Variants in LATS2 observed in about 807,000 individuals in gnomAD.
The protein encoded by LATS2 is large tumor suppressor kinase 2.
LATS2 carries 24 observed loss-of-function variants against 76.0 expected under a neutral mutation model. The ratio of observed to expected loss-of-function variants is 0.32; its 90% CI spans 0.23 to 0.44. The LOEUF (loss-of-function observed/expected upper bound fraction) is 0.44, where lower values mean the gene tolerates loss of function less well. Among genes scored for constraint, LATS2 ranks in the 20% least tolerant of loss-of-function variants. The pLI is 1.00. For missense variants in LATS2, 1,286 were observed against 1,481.2 expected (o/e 0.87, Z 2.16); for synonymous variants, 692 against 635.4 (o/e 1.09, Z -1.34).
chr13:21,046,106 A>G lies in LATS2; in HGVS notation c.-80T>C, dbSNP rs1873068407. Reference sequence around the variant, plus strand: ...TTTAAAAAAAAAAACTGTCAATAGTATCAGTTTGTTGTAAACATACTTTCA... The same window carrying G: ...TTTAAAAAAAAAAACTGTCAATAGTGTCAGTTTGTTGTAAACATACTTTCA... On this transcript the variant is annotated 5_prime_UTR_variant, in exon 2 of 8. Transcript: ENST00000382592. The G allele has an allele frequency of 4.2e-6, 4 of 955,866 alleles. No homozygotes were observed. The allele number at this position is 955,866 out of a possible 1,614,324, so 59.2% of individuals were successfully genotyped here.
intron 2 of LATS2, among the ~76,000 whole-genome samples, chr13:21,002,224 A>C (rs1302745754): frequency 6.6e-6 from 1 of 152,018 alleles, no homozygotes; most frequent in South Asian, 2.1e-4. Flanking sequence ...AAAAGCCATT[A>C]TTTTTAAGTC....
At position 21,028,379 on chromosome 13, in the gene LATS2, G is replaced by A. The variant is rs571688039; in HGVS notation, c.342+17306C>T. Reference sequence around the variant, plus strand: ...AGTCTTTGCTATTGTGAATAGTGCCGCAATAAACATATGTGTGCATGTGTC... The same window carrying A: ...AGTCTTTGCTATTGTGAATAGTGCCACAATAAACATATGTGTGCATGTGTC... On this transcript the variant is annotated intron_variant, in intron 2 of 7. Transcript: ENST00000382592. Among the ~76,000 whole-genome samples, 378 of 152,092 alleles carry A rather than the reference G, an allele frequency of 2.5e-3. 1 individual carries two copies. The highest frequency in any genetic ancestry group is 8.3e-3 in the African/African-American group (344 of 41,486).
rs879166284 is a variant in LATS2 at position 20,974,786 on chromosome 13, C to G, written c.*84G>C. On this transcript the variant is annotated 3_prime_UTR_variant, in exon 8 of 8. Transcript: ENST00000382592. ...GACTAATTTAAAACAAAACAGCCCTCGGCTTCCCTATTGGCCTGTGAGGGC... is the reference window on the plus strand; with the variant it reads ...GACTAATTTAAAACAAAACAGCCCTGGGCTTCCCTATTGGCCTGTGAGGGC... The G allele has an allele frequency of 8.4e-6, 12 of 1,426,556 alleles. No homozygotes were observed. In the East Asian group the frequency reaches 2.3e-4, roughly 27 times the overall value. 88.4% of individuals were successfully genotyped at this position (1,426,556 alleles called of 1,614,324 possible).
rs1469211849 is a variant in LATS2 at position 21,007,559 on chromosome 13, A to AGTG, written c.343-16156_343-16155insCAC. On this transcript the variant is annotated intron_variant, in intron 2 of 7. Transcript: ENST00000382592. ...ATATATATATAGTATATATATATAT[A>AGTG]TATATATATATATATATATATATAT... 1.8e-4 allele frequency among the ~76,000 whole-genome samples: 3 copies of AGTG among 16,616 alleles called. No individual in the cohort carries two copies. In the African/African-American group the frequency reaches 2.4e-3, roughly 13 times the overall value. The allele number at this position is 16,616 out of a possible 152,430, so 10.9% of individuals were successfully genotyped here.
At position 20,991,088 on chromosome 13, in the gene LATS2, G is replaced by T. The variant is rs1051601433; in HGVS notation, c.475+184C>A. ...GTCCCACGGTCTACCACTTGGGGCT[G>T]CTCCCGCCAGGGCCTGACTCTGTCA... On this transcript the variant is annotated intron_variant, in intron 3 of 7. Coordinates refer to ENST00000382592, the MANE Select transcript of LATS2 (RefSeq NM_014572.3). This position sits in a 1 kb window ranked among gnomAD's most constrained non-coding sequence, Gnocchi z 4.9. 6.6e-6 allele frequency among the ~76,000 whole-genome samples: 1 copy of T among 152,250 alleles called. No homozygotes were observed. Among genetic ancestry groups the T allele is most frequent in the African/African-American group, 2.4e-5 (1 of 41,478 alleles).
At chr13:20,992,914 A>G (rs774584474) in intron 2 of LATS2, among the ~76,000 whole-genome samples, 2 of 151,992 alleles carry the variant, frequency 1.3e-5, no homozygotes, top group Non-Finnish European at 2.9e-5. Flanking sequence ...GTGTGCCTGT[A>G]GTTCCAGCTA....
At chr13:21,015,804 A>G (rs1400126178) in intron 2 of LATS2, among the ~76,000 whole-genome samples, 1 of 151,890 alleles carries the variant, frequency 6.6e-6, no homozygotes, top group African/African-American at 2.4e-5. Flanking sequence ...GGTTCAAGCG[A>G]TTCTCTCGTC....
chr13:21,010,417 T>A (rs1363464062), intron 2 of LATS2, among the ~76,000 whole-genome samples: 1 of 151,434 alleles, frequency 6.6e-6, no homozygotes, highest in East Asian at 1.9e-4. Context: ...AAGCCCCCAC[T>A]CTACAGGCCC....
At chr13:21,053,291 A>C (rs1200589337) in intron 1 of LATS2, among the ~76,000 whole-genome samples, 1 of 147,550 alleles carries the variant, frequency 6.8e-6, no homozygotes, top group Non-Finnish European at 1.5e-5. Context: ...GCTCACTCCT[A>C]CTCCTAAAAC....
At chr13:20,989,768 C>T (rs529759065) in intron 3 of LATS2, among the ~76,000 whole-genome samples, 17 of 152,364 alleles carry the variant, frequency 1.1e-4, no homozygotes, top group African/African-American at 3.8e-4. Flanking sequence ...CACTGTGCAG[C>T]AGCTGCTCCA....
In LATS2 at chr13:20,988,927, C is replaced by T. The variant is rs975869810; in HGVS notation, c.853G>A (p.Gly285Ser). ...CCCTTCGTGGGCAGGCTGGCGTAAC[C>T]CCCGGTCTCCGGCGGCGTCTTGCTC... ...FQSKTPPETG[G>S]YASLPTKGQG... Residue 285 changes from glycine to serine, a missense_variant, in exon 4 of 8, where the codon GGT (glycine) becomes AGT (serine). Physicochemically the swap from Gly to Ser is moderately conservative, Grantham distance 56. Coordinates refer to ENST00000382592, the MANE Select transcript of LATS2 (RefSeq NM_014572.3). The T allele has an allele frequency of 3.9e-6, 6 of 1,523,872 alleles. No homozygotes were observed. Among genetic ancestry groups the T allele is most frequent in the Non-Finnish European group, 4.4e-6 (5 of 1,139,420 alleles). 94.4% of individuals were successfully genotyped at this position (1,523,872 alleles called of 1,614,324 possible).
intron 1 of LATS2, 51 bp from the exon 2 acceptor site, chr13:21,046,281 A>G: frequency 2.5e-6 from 1 of 400,382 alleles, no homozygotes; most frequent in Non-Finnish European, 4.5e-6. Context: ...ATTTTCACGC[A>G]ACGTTAATGC....
chr13:21,009,839 G>A (rs60542339), intron 2 of LATS2, among the ~76,000 whole-genome samples: 1 of 152,132 alleles, frequency 6.6e-6, no homozygotes, highest in African/African-American at 2.4e-5. Flanking sequence ...TGGGTCCTTA[G>A]GTGTCCCCAG....
chr13:21,057,023 G>A (rs1873470456), intron 1 of LATS2, among the ~76,000 whole-genome samples: 3 of 152,278 alleles, frequency 2.0e-5, no homozygotes, highest in South Asian at 2.1e-4. Context: ...TGAGACTCCC[G>A]AGTAAGAATG....
chr13:20,998,048 G>A (rs529503929), intron 2 of LATS2, among the ~76,000 whole-genome samples: 1 of 152,286 alleles, frequency 6.6e-6, no homozygotes, highest in African/African-American at 2.4e-5. Flanking sequence ...CTCTGTCTGT[G>A]TCTGCCTGTC....
rs1565949094 is a variant in LATS2, at chr13:20,998,739, TGCGGGGCGAG to T, written c.343-7345_343-7336del. Among the ~76,000 whole-genome samples the T allele has an allele frequency of 2.2e-5, 3 of 138,282 alleles. No homozygotes were observed. In the Admixed American group the frequency reaches 2.4e-4, roughly 11 times the overall value. 90.7% of individuals were successfully genotyped at this position (138,282 alleles called of 152,430 possible). A position where few individuals can be genotyped will look rare whatever the true frequency, so the allele number is the denominator to read the frequency against. ...AGGTGGGGCCCCAAGGCCTTGTCAA[TGCGGGGCGAG>T]GCGGGGCGGGGCCCGACAACCTTGG... On this transcript the variant is annotated intron_variant, in intron 2 of 7. Transcript: ENST00000382592.
chr13:20,976,695 TATA>T (rs1869639947), intron 7 of LATS2, among the ~76,000 whole-genome samples: 1 of 151,964 alleles, frequency 6.6e-6, no homozygotes, highest in Non-Finnish European at 1.5e-5. Context: ...ATAAGCTCAA[TATA>T]ATTAAACACT....
Position 20,988,466 on chromosome 13 carries a change from C to A in LATS2, c.1314G>T (p.Ala438=), listed in dbSNP as rs535682022. Residue 438 remains alanine (A), a synonymous_variant, in exon 4 of 8, where the codon GCG becomes GCT. Coordinates refer to ENST00000382592, the MANE Select transcript of LATS2 (RefSeq NM_014572.3). The stretch of plus-strand genomic sequence containing the variant: ...CGCTCTTCACCGGGTGCAAGATGTG[C>A]GCGGCCGTGACAGCCGTCACGGTGT... The part of the protein sequence containing the change: ...APNTVTAVTA[A]HILHPVKSVR... 2.5e-5 allele frequency: 39 copies of A among 1,533,508 alleles called. No homozygotes were observed. The African/African-American group carries it at 3.9e-4, about 15-fold the overall frequency. The allele number at this position is 1,533,508 out of a possible 1,614,324, so 95.0% of individuals were successfully genotyped here. A position where few individuals can be genotyped will look rare whatever the true frequency, so the allele number is the denominator to read the frequency against.
chr13:21,045,835 C>T lies in LATS2; in HGVS notation c.192G>A (p.Met64Ile), dbSNP rs748445519. The change falls in exon 2 of 8, where the codon ATG becomes ATA. Residue 64 changes from methionine to isoleucine, a missense_variant. Physicochemically the swap from Met to Ile is conservative, Grantham distance 10. Transcript: ENST00000382592. The part of the protein sequence containing the change: ...SKDATRQQQQ[M>I]RATPKFGPYQ... ...AAGGTCCGAACTTTGGGGTGGCTCTCATCTGCTGCTGCTGCCTGGTGGCAT... is the reference window on the plus strand; with the variant it reads ...AAGGTCCGAACTTTGGGGTGGCTCTTATCTGCTGCTGCTGCCTGGTGGCAT... The T allele has an allele frequency of 6.2e-7, 1 of 1,614,228 alleles. No individual in the cohort carries two copies. The highest frequency in any genetic ancestry group is 1.7e-5 in the Admixed American group (1 of 60,028).
Sources: gnomAD v4.1 joint callset for allele counts (sites outside exome capture counted in the v4.1 genomes callset) on GRCh38, gnomAD v4.1.1 for gene constraint, Gnocchi (gnomAD v3.1) non-coding constraint, MANE v1.5 for transcripts, NCBI Gene and HGNC (gene_info 2026-07-23, HGNC 2026-07-21) for gene names.